The following ATP2B2 variants were observed in gnomAD, a reference collection of about 807,000 sequenced individuals.
ATP2B2 encodes plasma membrane calcium-transporting ATPase 2.
Under a neutral mutation model 120.0 loss-of-function variants are expected in ATP2B2, and 15 were observed. The observed-to-expected ratio is 0.12, with a 90% CI of 0.08 to 0.19. The LOEUF (loss-of-function observed/expected upper bound fraction) is 0.19, where lower values mean the gene tolerates loss of function less well. Among genes scored for constraint, ATP2B2 ranks in the 10% least tolerant of loss-of-function variants. The pLI is 1.00. For synonymous variants in ATP2B2, 694 were observed against 700.3 expected, an observed-to-expected ratio of 0.99 and a Z score of 0.14; for missense variants, 1,045 against 1,719.8, an observed-to-expected ratio of 0.61 and a Z score of 6.94.
At chr3:10,646,799 G>A (rs1302196720) in intron 1 of ATP2B2, among the ~76,000 whole-genome samples, 1 of 152,160 alleles carries the variant, frequency 6.6e-6, no homozygotes, top group Non-Finnish European at 1.5e-5. Flanking sequence ...AGCATCTCCT[G>A]TTTGAGGCGC....
chr3:10,497,586 G>A (rs146799346), intron 1 of ATP2B2, among the ~76,000 whole-genome samples: 2 of 152,294 alleles, frequency 1.3e-5, no homozygotes, highest in East Asian at 3.9e-4. Flanking sequence ...CTATGAATTG[G>A]ACACTTTTGT....
At chr3:10,540,990 G>T (rs1039367830) in intron 2 of ATP2B2, among the ~76,000 whole-genome samples, 2 of 151,924 alleles carry the variant, frequency 1.3e-5, no homozygotes, top group Non-Finnish European at 2.9e-5. Flanking sequence ...GTGAATTGTG[G>T]TAGTTCGTGT....
intron 5 of ATP2B2, among the ~76,000 whole-genome samples, chr3:10,391,535 G>A (rs1267817861): frequency 6.6e-6 from 1 of 152,152 alleles, no homozygotes; most frequent in East Asian, 1.9e-4. Flanking sequence ...CACTCCCATC[G>A]CAGCAGGGAG....
chr3:10,480,266 G>A (rs899524825), intron 1 of ATP2B2, among the ~76,000 whole-genome samples: 1 of 152,214 alleles, frequency 6.6e-6, no homozygotes, highest in Non-Finnish European at 1.5e-5. Flanking sequence ...TCAGTAAAAT[G>A]AGGCTAACAA....
At chr3:10,437,742 G>A (rs2063524209) in intron 2 of ATP2B2, among the ~76,000 whole-genome samples, 1 of 152,210 alleles carries the variant, frequency 6.6e-6, no homozygotes, top group African/African-American at 2.4e-5. Flanking sequence ...CTAACCCTCA[G>A]TACCTTAAAA....
intron 1 of ATP2B2, among the ~76,000 whole-genome samples, chr3:10,652,953 G>A (rs1402460635): frequency 6.6e-6 from 1 of 152,160 alleles, no homozygotes; most frequent in African/African-American, 2.4e-5. Flanking sequence ...CAGGGATTTA[G>A]TGTTTAATGG....
At chr3:10,378,194 G>A (rs2061431497) in intron 10 of ATP2B2, 58 bp downstream of exon 10, 1 of 1,583,068 alleles carries the variant, frequency 6.3e-7, no homozygotes, top group East Asian at 2.2e-5. Flanking sequence ...ATGGGGCAGG[G>A]CTCTGCCTGG....
chr3:10,345,249 G>T, intron 18 of ATP2B2, 135 bp downstream of exon 18: 2 of 987,756 alleles, frequency 2.0e-6, no homozygotes, highest in Non-Finnish European at 1.5e-6. Context: ...CTGGCCCCCA[G>T]CAGGTGCTCC....
At chr3:10,586,865 C>T (rs1229328691) in intron 2 of ATP2B2, among the ~76,000 whole-genome samples, 1 of 152,194 alleles carries the variant, frequency 6.6e-6, no homozygotes, top group Non-Finnish European at 1.5e-5. Context: ...CACCCCACTG[C>T]CCAGCTCTGC....
chr3:10,414,803 C>T (rs1319416524), intron 2 of ATP2B2, among the ~76,000 whole-genome samples: 1 of 152,156 alleles, frequency 6.6e-6, no homozygotes, highest in Non-Finnish European at 1.5e-5. Context: ...GCTCCTTCCC[C>T]AGCCCCCGCC....
chr3:10,689,387 A>G (rs2071602728), intron 1 of ATP2B2, among the ~76,000 whole-genome samples: 1 of 152,208 alleles, frequency 6.6e-6, no homozygotes, highest in Admixed American at 6.5e-5. Flanking sequence ...CAGAATTGGC[A>G]GTAAAATTAA....
At chr3:10,355,594 G>T (rs565134958) in intron 14 of ATP2B2, among the ~76,000 whole-genome samples, 1 of 152,152 alleles carries the variant, frequency 6.6e-6, no homozygotes, top group Admixed American at 6.5e-5. Flanking sequence ...GCTCGTTAGC[G>T]GCAAAGTCGG....
chr3:10,635,074 G>A lies in ATP2B2; in HGVS notation c.-459-15113C>T, dbSNP rs1233327942. ...GCAGGACCCCGAGATAAATGTCCCT[G>A]GGAATTGGAATGGTATCACTGGCCT... On this transcript the variant is annotated intron_variant, in intron 1 of 21. Coordinates refer to the ATP2B2 transcript ENST00000646379. This position sits in a 1 kb window ranked among gnomAD's most constrained non-coding sequence, Gnocchi z 4.3. 6.6e-6 allele frequency among the ~76,000 whole-genome samples: 1 copy of A among 151,922 alleles called. No homozygotes were observed. The highest frequency in any genetic ancestry group is 1.5e-5 in the Non-Finnish European group (1 of 67,988).
At chr3:10,538,938 C>T (rs2067375284) in intron 2 of ATP2B2, among the ~76,000 whole-genome samples, 1 of 152,146 alleles carries the variant, frequency 6.6e-6, no homozygotes, top group South Asian at 2.1e-4. Context: ...GTCAAATTGT[C>T]CCTGTTTGCA....
intron 1 of ATP2B2, among the ~76,000 whole-genome samples, chr3:10,490,901 T>C (rs2065909130): frequency 6.6e-6 from 1 of 152,230 alleles, no homozygotes. Context: ...ATATCTGTTA[T>C]TTGATTTGGG....
chr3:10,620,200 C>T (rs1490914522), intron 1 of ATP2B2, among the ~76,000 whole-genome samples: 6 of 152,186 alleles, frequency 3.9e-5, no homozygotes, highest in Non-Finnish European at 7.3e-5. Flanking sequence ...GTGTCTGATG[C>T]TGTGACCTGC....
intron 1 of ATP2B2, among the ~76,000 whole-genome samples, chr3:10,699,496 A>G (rs1275827023): frequency 6.6e-6 from 1 of 152,246 alleles, no homozygotes. Flanking sequence ...AGGACATTTG[A>G]CAAAATATTA....
At chr3:10,404,905 C>G (rs1032261789) in intron 3 of ATP2B2, among the ~76,000 whole-genome samples, 5 of 152,188 alleles carry the variant, frequency 3.3e-5, no homozygotes, top group African/African-American at 1.2e-4. Context: ...TATCCCCTGC[C>G]CCTTGCTATG....
intron 2 of ATP2B2, among the ~76,000 whole-genome samples, chr3:10,430,779 A>C (rs555567007): frequency 9.7e-4 from 146 of 150,832 alleles, no homozygotes; most frequent in African/African-American, 3.5e-3. Flanking sequence ...CTGAGTGTCC[A>C]GTAAAGAAAG....
Sources: allele counts gnomAD v4.1 joint callset (sites outside exome capture counted in the v4.1 genomes callset), GRCh38; gene constraint gnomAD v4.1.1; non-coding constraint Gnocchi (gnomAD v3.1); transcripts MANE v1.5; gene names NCBI Gene and HGNC (gene_info 2026-07-23, HGNC 2026-07-21).